LCOR: variants seen among roughly 807,000 people sequenced by gnomAD.
The protein encoded by LCOR is ligand-dependent corepressor.
A neutral mutation model predicts 64.4 loss-of-function variants in LCOR; 14 were observed. The ratio of observed to expected loss-of-function variants is 0.22; its 90% CI spans 0.14 to 0.34. The LOEUF is 0.34. Ranked by LOEUF, LCOR falls within the 10% of genes least tolerant of loss-of-function variation. LCOR has a pLI of 1.00. For synonymous variants in LCOR, 643 were observed against 642.5 expected, an observed-to-expected ratio of 1.00 and a Z score of -0.01; for missense variants, 1,686 against 1,765.3, an observed-to-expected ratio of 0.96 and a Z score of 0.80.
intron 2 of LCOR, among the ~76,000 whole-genome samples, chr10:96,895,478 T>C (rs1846521300): frequency 6.6e-6 from 1 of 152,212 alleles, no homozygotes; most frequent in Non-Finnish European, 1.5e-5. Context: ...CTTTATCTAA[T>C]AATCTGTTCT....
chr10:96,937,158 A>G lies in LCOR; in HGVS notation c.-183-6955A>G, dbSNP rs1005488036. Among the ~76,000 whole-genome samples the G allele has an allele frequency of 3.3e-5, 5 of 152,200 alleles. No homozygotes were observed. The East Asian group carries it at 9.6e-4, about 29-fold the overall frequency. Reference sequence around the variant, plus strand: ...GAGAAAGAGACTTGGAGACACAGACACACACACAGGGAAGAGGACCATGTA... The same window carrying G: ...GAGAAAGAGACTTGGAGACACAGACGCACACACAGGGAAGAGGACCATGTA... On this transcript the variant is annotated intron_variant, in intron 4 of 7. Transcript: ENST00000421806.
At chr10:96,942,745 C>A (rs1187733960) in intron 4 of LCOR, among the ~76,000 whole-genome samples, 1 of 152,048 alleles carries the variant, frequency 6.6e-6, no homozygotes, top group Non-Finnish European at 1.5e-5. Flanking sequence ...TTGAGGGAAT[C>A]ATTTGTGCAT....
At chr10:96,901,536 C>T (rs1419259615) in intron 2 of LCOR, among the ~76,000 whole-genome samples, 1 of 152,148 alleles carries the variant, frequency 6.6e-6, no homozygotes, top group Non-Finnish European at 1.5e-5. Flanking sequence ...TCATGGAGCC[C>T]ATTAGATAAG....
intron 4 of LCOR, among the ~76,000 whole-genome samples, chr10:96,941,566 G>A (rs1847478322): frequency 3.6e-5 from 5 of 136,998 alleles, no homozygotes; most frequent in East Asian, 2.3e-4. Context: ...CCTCCCGGAC[G>A]GGGTGGCTGC....
At chr10:96,886,077 C>G (rs1254875599) in intron 2 of LCOR, among the ~76,000 whole-genome samples, 1 of 152,092 alleles carries the variant, frequency 6.6e-6, no homozygotes, top group African/African-American at 2.4e-5. Flanking sequence ...GAGGTTTCAC[C>G]ATGTTGGCCA....
chr10:96,920,751 T>TATATGTATACATAC (rs761907103), intron 4 of LCOR, among the ~76,000 whole-genome samples: 1 of 118,884 alleles, frequency 8.4e-6, no homozygotes, highest in African/African-American at 3.9e-5. Context: ...TATATATGTA[T>TATATGTATACATAC]ACACACACAC....
At chr10:96,890,386 TA>T (rs1846419813) in intron 2 of LCOR, among the ~76,000 whole-genome samples, 1 of 152,190 alleles carries the variant, frequency 6.6e-6, no homozygotes, top group Non-Finnish European at 1.5e-5. Flanking sequence ...CTGCCCAGCC[TA>T]AAACTGATTT....
At chr10:96,955,745 T>C in intron 7 of LCOR, 1 of 1,614,192 alleles carries the variant, frequency 6.2e-7, no homozygotes, top group Non-Finnish European at 8.5e-7. Context: ...AGAGTATTTA[T>C]GGGATTCCCC....
intron 7 of LCOR, chr10:96,958,909 A>T (rs2134540268): frequency 9.4e-6 from 1 of 105,998 alleles, no homozygotes; most frequent in East Asian, 5.5e-4. Flanking sequence ...AAAAACTTAA[A>T]AAAAAAAAAA....
intron 4 of LCOR, among the ~76,000 whole-genome samples, chr10:96,910,230 GAGA>G (rs1385815623): frequency 6.6e-6 from 1 of 151,930 alleles, no homozygotes; most frequent in African/African-American, 2.4e-5. Context: ...AATACAGATA[GAGA>G]AAGTCATGAA....
At position 96,876,770 on chromosome 10, in the gene LCOR, A is replaced by G. The variant is rs562354868; in HGVS notation, c.-329-30495A>G. On this transcript the variant is annotated intron_variant, in intron 2 of 7. Transcript: ENST00000421806. ...AGTGGTGCGATCTCAGTTCACTGCA[A>G]TCTCCGCCTCCCGGGTTCAGTGATT... is the stretch of plus-strand genomic sequence containing the variant. Among the ~76,000 whole-genome samples the G allele has an allele frequency of 2.7e-4, 41 of 152,172 alleles. No individual in the cohort carries two copies. In the South Asian group the frequency reaches 8.1e-3, roughly 30 times the overall value.
At chr10:96,844,090 ACCCTCCCT>A (rs370487108) in intron 2 of LCOR, among the ~76,000 whole-genome samples, 1 of 36,580 alleles carries the variant, frequency 2.7e-5, no homozygotes, top group Non-Finnish European at 7.1e-5. Context: ...CTACCTTCCC[ACCCTCCCT>A]CCCTCCCTTC....
chr10:96,958,509 G>A (rs932954907), intron 7 of LCOR: 12 of 781,758 alleles, frequency 1.5e-5, no homozygotes, highest in Middle Eastern at 4.5e-4. Context: ...TAGGCTGAGA[G>A]TTGTAAATAG....
At chr10:96,857,420 T>C (rs997926314) in intron 2 of LCOR, among the ~76,000 whole-genome samples, 27 of 152,222 alleles carry the variant, frequency 1.8e-4, no homozygotes, top group African/African-American at 6.0e-4. Flanking sequence ...GAATTGATGC[T>C]GCTATAAATT....
At chr10:96,837,924 A>T (rs1026886666) in intron 2 of LCOR, among the ~76,000 whole-genome samples, 5 of 152,184 alleles carry the variant, frequency 3.3e-5, no homozygotes, top group African/African-American at 1.2e-4. Flanking sequence ...GTGGAATCTC[A>T]GTTTGTGATA....
intron 4 of LCOR, among the ~76,000 whole-genome samples, chr10:96,930,055 A>C (rs751460002): frequency 6.6e-6 from 1 of 152,214 alleles, no homozygotes; most frequent in Non-Finnish European, 1.5e-5. Flanking sequence ...GTAACCATTA[A>C]AAAGATTGAA....
At chr10:96,899,235 A>G (rs1239515810) in intron 2 of LCOR, among the ~76,000 whole-genome samples, 1 of 152,158 alleles carries the variant, frequency 6.6e-6, no homozygotes, top group Non-Finnish European at 1.5e-5. Flanking sequence ...GTCTTAGGGC[A>G]AGAGATAAAG....
intron 7 of LCOR, chr10:96,957,059 A>T: frequency 1.0e-6 from 1 of 985,336 alleles, no homozygotes; most frequent in Non-Finnish European, 1.2e-6. Context: ...ACCCGATATG[A>T]TTTAGGATGC....
intron 2 of LCOR, among the ~76,000 whole-genome samples, chr10:96,890,883 T>C (rs933847558): frequency 3.3e-5 from 5 of 152,232 alleles, no homozygotes; most frequent in Admixed American, 1.3e-4. Context: ...TGAACCAGCC[T>C]TGCATCTCTG....
Sources: allele counts gnomAD v4.1 joint callset (sites outside exome capture counted in the v4.1 genomes callset), GRCh38; gene constraint gnomAD v4.1.1; transcripts MANE v1.5; gene names NCBI Gene and HGNC (gene_info 2026-07-23, HGNC 2026-07-21).